Variants in WIPF3 observed in about 807,000 individuals in gnomAD.
The protein encoded by WIPF3 is WAS/WASL-interacting protein family member 3.
A neutral mutation model predicts 38.9 loss-of-function variants in WIPF3; 33 were observed. The observed-to-expected ratio is 0.85, with a 90% CI of 0.64 to 1.14. The LOEUF (loss-of-function observed/expected upper bound fraction) is 1.14. WIPF3 is among the 50% of genes most tolerant of loss of function. The pLI, the probability that WIPF3 is intolerant of heterozygous loss-of-function variation, is 0.00. For synonymous variants in WIPF3, 324 were observed against 269.3 expected (o/e 1.20, Z -1.99); for missense variants, 711 against 652.5 (o/e 1.09, Z -0.98).
At chr7:29,813,415 C>T (rs764805359) in intron 1 of WIPF3, among the ~76,000 whole-genome samples, 1 of 152,184 alleles carries the variant, frequency 6.6e-6, no homozygotes, top group Non-Finnish European at 1.5e-5. Context: ...CCTGCCACAA[C>T]CCCCAAGCCA....
chr7:29,894,758 C>T (rs1346336856), intron 7 of WIPF3, among the ~76,000 whole-genome samples: 1 of 122,762 alleles, frequency 8.1e-6, no homozygotes, highest in Non-Finnish European at 1.8e-5. Flanking sequence ...TGCTGTCTCT[C>T]TTTCTGACAC....
chr7:29,901,696 G>C (rs1275540197), intron 7 of WIPF3, among the ~76,000 whole-genome samples: 5 of 151,724 alleles, frequency 3.3e-5, no homozygotes, highest in Admixed American at 2.0e-4. Flanking sequence ...AAAGTAGCCA[G>C]GTGTGGTGGT....
At chr7:29,840,428 C>CT (rs1784895588) in intron 2 of WIPF3, among the ~76,000 whole-genome samples, 1 of 152,218 alleles carries the variant, frequency 6.6e-6, no homozygotes, top group Admixed American at 6.5e-5. Flanking sequence ...AAACCCCCCA[C>CT]TTCAGAGCAG....
chr7:29,846,339 T>C (rs888651071), intron 2 of WIPF3, among the ~76,000 whole-genome samples: 1 of 152,224 alleles, frequency 6.6e-6, no homozygotes, highest in East Asian at 1.9e-4. Context: ...CTGTTCACAA[T>C]AGAGGAGTCT....
chr7:29,851,717 AT>A (rs888209004), intron 2 of WIPF3, among the ~76,000 whole-genome samples: 10 of 152,212 alleles, frequency 6.6e-5, no homozygotes, highest in African/African-American at 2.4e-4. Context: ...GCATGGCCGC[AT>A]GCTGGTGCAG....
intron 1 of WIPF3, among the ~76,000 whole-genome samples, chr7:29,825,895 G>T (rs924268333): frequency 6.6e-6 from 1 of 152,150 alleles, no homozygotes; most frequent in Non-Finnish European, 1.5e-5. Flanking sequence ...TTAATACCCA[G>T]TTAGGGCTGA....
At chr7:29,857,064 G>A (rs1308268080) in intron 2 of WIPF3, among the ~76,000 whole-genome samples, 3 of 152,108 alleles carry the variant, frequency 2.0e-5, no homozygotes, top group Non-Finnish European at 2.9e-5. Context: ...AGGCTGAGCG[G>A]GAACTGAGTG....
chr7:29,867,197 A>C (rs1403464326), intron 2 of WIPF3, among the ~76,000 whole-genome samples: 2 of 152,158 alleles, frequency 1.3e-5, no homozygotes, highest in Non-Finnish European at 2.9e-5. Context: ...CGCCAAAGTC[A>C]CCGCTGTGTG....
At chr7:29,872,797 T>C (rs1394061059) in intron 2 of WIPF3, among the ~76,000 whole-genome samples, 1 of 13,172 alleles carries the variant, frequency 7.6e-5, no homozygotes, top group Non-Finnish European at 1.3e-4. Flanking sequence ...AGACTCCATC[T>C]CAAAAAAAAA....
chr7:29,899,986 C>T (rs192944036), intron 7 of WIPF3, among the ~76,000 whole-genome samples: 8 of 152,232 alleles, frequency 5.3e-5, no homozygotes, highest in Admixed American at 2.0e-4. Context: ...TGCCCTGGCT[C>T]GAGTACAATG....
At chr7:29,897,167 T>C (rs1248579954) in intron 7 of WIPF3, among the ~76,000 whole-genome samples, 5 of 152,256 alleles carry the variant, frequency 3.3e-5, no homozygotes, top group African/African-American at 4.8e-5. Context: ...TCAAAATTTA[T>C]TTCCTTTTTA....
In WIPF3 at chr7:29,883,037, G is replaced by A. The variant is rs115432582; in HGVS notation, c.356-813G>A. Among the ~76,000 whole-genome samples the A allele has an allele frequency of 4.4e-3, 675 of 152,318 alleles. 9 individuals carry two copies. The highest frequency in any genetic ancestry group is 0.015 in the African/African-American group (632 of 41,566). On this transcript the variant is annotated intron_variant, in intron 4 of 8. Coordinates refer to ENST00000242140, the MANE Select transcript of WIPF3 (RefSeq NM_001080529.3). ...CTGGCAAAAAGGTGCAAGGCTGTGC[G>A]GAGTATAGAGGCCCCTCCTGGGGAC...
intron 8 of WIPF3, among the ~76,000 whole-genome samples, chr7:29,907,828 G>A (rs1583631570): frequency 6.6e-6 from 1 of 152,096 alleles, no homozygotes; most frequent in Admixed American, 6.6e-5. Flanking sequence ...AGCCTGAAAA[G>A]ACTAAGACAC....
chr7:29,883,789 A>G, intron 4 of WIPF3, 61 bp from the exon 5 acceptor site: 6 of 1,502,582 alleles, frequency 4.0e-6, no homozygotes, highest in Admixed American at 4.6e-5. Flanking sequence ...AGTGCCGCCT[A>G]CCTGCGGGGG....
At position 29,849,568 on chromosome 7, in the gene WIPF3, A is replaced by G. The variant is rs1003188241; in HGVS notation, c.90+14754A>G. On this transcript the variant is annotated intron_variant, in intron 2 of 8. Coordinates refer to ENST00000242140, the MANE Select transcript of WIPF3 (RefSeq NM_001080529.3). ...AGAATTTTCACCTTCAGTGTTCTCT[A>G]GTCTGACTAAATGCCTCTCGTGACT... 9.8e-5 allele frequency among the ~76,000 whole-genome samples: 15 copies of G among 152,332 alleles called. No homozygotes were observed. In the South Asian group the frequency reaches 1.9e-3, roughly 19 times the overall value.
intron 4 of WIPF3, among the ~76,000 whole-genome samples, chr7:29,881,069 T>C (rs185455762): frequency 1.1e-4 from 17 of 152,314 alleles, no homozygotes; most frequent in African/African-American, 3.8e-4. Flanking sequence ...CATCCGCAGG[T>C]GTCCACGTGG....
chr7:29,851,929 A>G (rs1785105221), intron 2 of WIPF3, among the ~76,000 whole-genome samples: 2 of 152,144 alleles, frequency 1.3e-5, no homozygotes, highest in Non-Finnish European at 1.5e-5. Flanking sequence ...AAGTGTTGCT[A>G]GACAATGCCT....
chr7:29,809,266 A>G (rs1030429523), intron 1 of WIPF3, among the ~76,000 whole-genome samples: 6 of 152,160 alleles, frequency 3.9e-5, no homozygotes, highest in Non-Finnish European at 7.3e-5. Context: ...GCAGAGTTGA[A>G]TGTTTGTCTT....
At chr7:29,848,897 A>G (rs1223039377) in intron 2 of WIPF3, among the ~76,000 whole-genome samples, 1 of 152,040 alleles carries the variant, frequency 6.6e-6, no homozygotes, top group Admixed American at 6.6e-5. Context: ...TATGCTAACA[A>G]TTTTTCATAG....
Sources: allele counts gnomAD v4.1 joint callset (sites outside exome capture counted in the v4.1 genomes callset), GRCh38; gene constraint gnomAD v4.1.1; transcripts MANE v1.5; gene names NCBI Gene and HGNC (gene_info 2026-07-23, HGNC 2026-07-21).